Variants in MYB observed in about 807,000 individuals in gnomAD.
The protein encoded by MYB is transcriptional activator Myb.
A neutral mutation model predicts 92.9 loss-of-function variants in MYB; 28 were observed. That is an observed-to-expected ratio of 0.30 (90% confidence interval 0.22 to 0.41). The LOEUF (loss-of-function observed/expected upper bound fraction) is 0.41. Among genes scored for constraint, MYB ranks in the 10% least tolerant of loss-of-function variants. The probability of loss-of-function intolerance (pLI) is 1.00; values close to 1 mark genes in which losing one functional copy is unlikely to be tolerated. For missense variants in MYB, 679 were observed against 929.3 expected, an observed-to-expected ratio of 0.73 and a Z score of 3.50; for synonymous variants, 295 against 329.1, an observed-to-expected ratio of 0.90 and a Z score of 1.12.
At chr6:135,186,820 G>T (rs955540200) in intron 2 of MYB, among the ~76,000 whole-genome samples, 1 of 152,190 alleles carries the variant, frequency 6.6e-6, no homozygotes, top group Non-Finnish European at 1.5e-5. Context: ...GTGGAGAAAA[G>T]TTTCTCTAAT....
Position 135,185,339 on chromosome 6 carries a change from T to C in MYB, c.24-564T>C, listed in dbSNP as rs575907186. 2.6e-5 allele frequency among the ~76,000 whole-genome samples: 4 copies of C among 152,360 alleles called. No homozygotes were observed. The South Asian group carries it at 8.3e-4, about 32-fold the overall frequency. ...TTGCTTTGGTTTTAAAATCCTTTCCTCTTAGATTCTCCTAATCCTCTAGAC... is the reference window on the plus strand; with the variant it reads ...TTGCTTTGGTTTTAAAATCCTTTCCCCTTAGATTCTCCTAATCCTCTAGAC... On this transcript the variant is annotated intron_variant, in intron 1 of 15. Coordinates refer to ENST00000341911, the MANE Select transcript of MYB (RefSeq NM_001130173.2).
rs147982245 is a variant in MYB at position 135,209,284 on chromosome 6, A to G, written c.2169+5960A>G. On this transcript the variant is annotated intron_variant, in intron 15 of 15. Coordinates refer to ENST00000341911, the MANE Select transcript of MYB (RefSeq NM_001130173.2). ...AGTCTCACTCTGTCACCCAGGCTGC[A>G]GTGCAGTGGTACAATCTTGGCTTAC... Among the ~76,000 whole-genome samples, 608 of 152,314 alleles carry G rather than the reference A, an allele frequency of 4.0e-3. 6 individuals carry two copies. Among genetic ancestry groups the G allele is most frequent in the African/African-American group, 0.012 (497 of 41,574 alleles).
chr6:135,194,263 G>A, intron 7 of MYB, 93 bp from the exon 8 acceptor site: 2 of 934,934 alleles, frequency 2.1e-6, no homozygotes, highest in Non-Finnish European at 1.6e-6. Context: ...TCTTTGGGCT[G>A]TGCGGCACCT....
At chr6:135,215,139 G>A (rs1055329192) in intron 15 of MYB, among the ~76,000 whole-genome samples, 7 of 152,232 alleles carry the variant, frequency 4.6e-5, no homozygotes, top group Non-Finnish European at 8.8e-5. Flanking sequence ...CCCTAGGAAA[G>A]TTTAAAAGCT....
At chr6:135,188,496 T>C (rs1053316411) in intron 3 of MYB, among the ~76,000 whole-genome samples, 3 of 151,538 alleles carry the variant, frequency 2.0e-5, no homozygotes, top group Admixed American at 6.6e-5. Context: ...TTCTTTCTTT[T>C]TTTTTTTTTT....
intron 15 of MYB, 43 bp from the exon 16 acceptor site, chr6:135,217,821 C>G: frequency 7.2e-7 from 1 of 1,390,684 alleles, no homozygotes; most frequent in South Asian, 1.2e-5. Context: ...ATAGAATGAG[C>G]TTCTTTGTCT....
chr6:135,202,866 T>C, intron 14 of MYB: 1 of 503,890 alleles, frequency 2.0e-6, no homozygotes, highest in Non-Finnish European at 3.8e-6. Context: ...TCTGTACCAA[T>C]ATATGAAATA....
At chr6:135,191,085 A>G (rs1776566695) in intron 5 of MYB, among the ~76,000 whole-genome samples, 5 of 152,214 alleles carry the variant, frequency 3.3e-5, no homozygotes, top group African/African-American at 1.2e-4. Flanking sequence ...GGGCCACCAT[A>G]CCTGGCCACC....
chr6:135,198,288 C>CT (rs887407538), intron 10 of MYB, among the ~76,000 whole-genome samples: 1 of 151,970 alleles, frequency 6.6e-6, no homozygotes, highest in African/African-American at 2.4e-5. Flanking sequence ...TAAAAACTTT[C>CT]TTTTTTTTAA....
rs918848380 is a variant in MYB, at chr6:135,189,882, G to A, written c.305G>A (p.Arg102Lys). Reference sequence around the variant, plus strand: ...CCTTGGACCAAAGAAGAAGATCAGAGAGTAAGTTCTTTCTTCATTGGTGTG... The same window carrying A: ...CCTTGGACCAAAGAAGAAGATCAGAAAGTAAGTTCTTTCTTCATTGGTGTG... Reference protein sequence around the residue: ...KGPWTKEEDQRVIELVQKYGP... With the variant: ...KGPWTKEEDQKVIELVQKYGP... Residue 102 changes from arginine to lysine, a missense_variant and splice_region_variant, in exon 4 of 16, where the codon AGA becomes AAA. Arg to Lys is a conservative substitution (Grantham distance 26, BLOSUM62 2). Coordinates refer to ENST00000341911, the MANE Select transcript of MYB (RefSeq NM_001130173.2). 2 of 1,612,134 alleles carry A rather than the reference G, an allele frequency of 1.2e-6. No individual in the cohort carries two copies. Among genetic ancestry groups the A allele is most frequent in the African/African-American group, 2.7e-5 (2 of 74,862 alleles).
chr6:135,185,956 A>G lies in MYB; in HGVS notation c.77A>G (p.Tyr26Cys). The G allele has an allele frequency of 2.5e-6, 4 of 1,614,200 alleles. No homozygotes were observed. The highest frequency in any genetic ancestry group is 1.3e-5 in the African/African-American group (1 of 75,056). ...GACTTTGAGATGTGTGACCATGACT[A>G]TGATGGGCTGCTTCCCAAGTCTGGA... ...DEDFEMCDHD[Y>C]DGLLPKSGKR... The change falls in exon 2 of 16, where the codon TAT becomes TGT. Residue 26 changes from tyrosine (Y) to cysteine (C), a missense_variant. This residue lies in a region of MYB where 88 missense variants were observed against 145.6 expected (regional missense o/e 0.60). Transcript: ENST00000341911.
intron 15 of MYB, among the ~76,000 whole-genome samples, chr6:135,210,992 C>T (rs1048309466): frequency 2.0e-5 from 3 of 151,930 alleles, no homozygotes; most frequent in Non-Finnish European, 2.9e-5. Context: ...TCTTACAGAA[C>T]TGTGTCAGTG....
chr6:135,202,514 A>G, intron 14 of MYB: 1 of 155,322 alleles, frequency 6.4e-6, no homozygotes. Flanking sequence ...GATTACAGGC[A>G]CCCGCCACCA....
At chr6:135,195,343 AACTCCTGAG>A in intron 8 of MYB, 1 of 165,668 alleles carries the variant, frequency 6.0e-6, no homozygotes, top group South Asian at 1.3e-4. Flanking sequence ...AAGCAACTCT[AACTCCTGAG>A]TCCTCTAGCT....
intron 14 of MYB, chr6:135,202,311 C>T (rs1213969636): frequency 6.5e-6 from 1 of 153,100 alleles, no homozygotes; most frequent in African/African-American, 2.4e-5. Context: ...TAGGGGCTTT[C>T]GATGAATTGA....
chr6:135,190,055 C>T lies in MYB; in HGVS notation c.307-72C>T. On this transcript the variant is annotated intron_variant, in intron 4 of 15. Transcript: ENST00000341911. This position sits in a 1 kb window ranked among gnomAD's most constrained non-coding sequence, Gnocchi z 4.5. ...TGGAAATTTTCTAAAGATCTTGTAA[C>T]ACTGAAGAATGATTATACTGACTCA... 2 of 1,531,406 alleles carry T rather than the reference C, an allele frequency of 1.3e-6. No individual in the cohort carries two copies. The highest frequency in any genetic ancestry group is 1.8e-6 in the Non-Finnish European group (2 of 1,119,748). The allele number at this position is 1,531,406 out of a possible 1,614,324, so 94.9% of individuals were successfully genotyped here.
At chr6:135,188,792 G>A (rs1227130845) in intron 3 of MYB, among the ~76,000 whole-genome samples, 1 of 152,154 alleles carries the variant, frequency 6.6e-6, no homozygotes, top group East Asian at 1.9e-4. Context: ...TTGCAGGCAT[G>A]AGCCACCGTG....
At chr6:135,202,867 A>G in intron 14 of MYB, 2 of 505,632 alleles carry the variant, frequency 4.0e-6, no homozygotes, top group Admixed American at 2.3e-5. Context: ...CTGTACCAAT[A>G]TATGAAATAA....
intron 2 of MYB, 32 bp downstream of exon 2, chr6:135,186,052 T>C (rs754043832): frequency 1.3e-6 from 2 of 1,574,156 alleles, no homozygotes; most frequent in African/African-American, 1.3e-5. Flanking sequence ...ACGCAGAAAA[T>C]AGATAGAGTG....
Sources: allele counts gnomAD v4.1 joint callset (sites outside exome capture counted in the v4.1 genomes callset), GRCh38; gene constraint gnomAD v4.1.1; regional missense constraint gnomAD v4.1.1; non-coding constraint Gnocchi (gnomAD v3.1); transcripts MANE v1.5; gene names NCBI Gene and HGNC (gene_info 2026-07-23, HGNC 2026-07-21).